The following PPP1R9A variants were observed in gnomAD, a reference collection of about 807,000 sequenced individuals.
PPP1R9A encodes the protein neurabin-1.
In PPP1R9A, 59 loss-of-function variants were observed where a neutral mutation model predicts 141.9. The ratio of observed to expected loss-of-function variants is 0.42; its 90% CI spans 0.34 to 0.52. The LOEUF is 0.52. Ranked by LOEUF, PPP1R9A falls within the 20% of genes least tolerant of loss-of-function variation. PPP1R9A has a pLI of 0.10. For missense variants in PPP1R9A, 1,444 were observed against 1,611.9 expected, an observed-to-expected ratio of 0.90 and a Z score of 1.78; for synonymous variants, 500 against 569.7, an observed-to-expected ratio of 0.88 and a Z score of 1.74.
chr7:95,080,730 T>C (rs1302554967), intron 2 of PPP1R9A, among the ~76,000 whole-genome samples: 1 of 152,174 alleles, frequency 6.6e-6, no homozygotes, highest in Non-Finnish European at 1.5e-5. Context: ...GTGTCCGCTG[T>C]TTCTCAAAAT....
chr7:95,108,455 T>C (rs1172971765), intron 2 of PPP1R9A, among the ~76,000 whole-genome samples: 3 of 151,364 alleles, frequency 2.0e-5, no homozygotes, highest in East Asian at 2.0e-4. Context: ...GGACTACAGG[T>C]GCCTGCCACC....
At chr7:95,122,005 A>C (rs35379982) in intron 4 of PPP1R9A, among the ~76,000 whole-genome samples, 4 of 152,148 alleles carry the variant, frequency 2.6e-5, no homozygotes, top group African/African-American at 9.7e-5. Flanking sequence ...AATTCAAAGA[A>C]TTATTATGTT....
At chr7:95,139,704 G>GT (rs1826289052) in intron 4 of PPP1R9A, among the ~76,000 whole-genome samples, 1 of 151,100 alleles carries the variant, frequency 6.6e-6, no homozygotes, top group South Asian at 2.1e-4. Flanking sequence ...TCTTATTGAT[G>GT]TATGGCCTGG....
intron 19 of PPP1R9A, 148 bp downstream of exon 19, chr7:95,288,866 G>T (rs1369970817): frequency 8.8e-7 from 1 of 1,133,352 alleles, no homozygotes; most frequent in African/African-American, 1.6e-5. Flanking sequence ...AATTCTTTCT[G>T]AGTAGTAAAT....
chr7:95,157,740 T>C (rs1829865132), intron 4 of PPP1R9A, among the ~76,000 whole-genome samples: 7 of 152,230 alleles, frequency 4.6e-5, no homozygotes, highest in Admixed American at 4.6e-4. Context: ...AAAGAATATG[T>C]TGCCCTACTT....
chr7:94,973,750 G>A (rs1030258481), intron 2 of PPP1R9A, among the ~76,000 whole-genome samples: 34 of 141,218 alleles, frequency 2.4e-4, no homozygotes, highest in African/African-American at 8.2e-4. Context: ...AAAATGTCTC[G>A]CTCTATTGCC....
intron 5 of PPP1R9A, among the ~76,000 whole-genome samples, chr7:95,183,181 A>C (rs1326627004): frequency 6.6e-6 from 1 of 151,824 alleles, no homozygotes; most frequent in Non-Finnish European, 1.5e-5. Flanking sequence ...TCTGTTACCC[A>C]GGCTAGAGTG....
chr7:94,922,865 C>G (rs1289647688), intron 2 of PPP1R9A, among the ~76,000 whole-genome samples: 1 of 152,050 alleles, frequency 6.6e-6, no homozygotes, highest in Non-Finnish European at 1.5e-5. Flanking sequence ...TGGTGGGACA[C>G]AATTGGAATG....
At chr7:95,035,428 C>A (rs114651720) in intron 2 of PPP1R9A, among the ~76,000 whole-genome samples, 2,097 of 152,082 alleles carry the variant, frequency 0.014, 58 homozygotes, top group African/African-American at 0.049. Flanking sequence ...ATTTATATAT[C>A]TTTTCTCCTT....
chr7:95,162,623 G>C (rs142394563), intron 5 of PPP1R9A, among the ~76,000 whole-genome samples: 1 of 152,038 alleles, frequency 6.6e-6, no homozygotes, highest in Non-Finnish European at 1.5e-5. Flanking sequence ...CTTCAGTATT[G>C]CTTATATCAT....
intron 2 of PPP1R9A, among the ~76,000 whole-genome samples, chr7:95,062,770 T>A (rs1812412525): frequency 6.6e-6 from 1 of 152,032 alleles, no homozygotes; most frequent in Non-Finnish European, 1.5e-5. Context: ...CCTGCCCCAC[T>A]TTTTTCTGCT....
intron 2 of PPP1R9A, among the ~76,000 whole-genome samples, chr7:94,987,703 A>C (rs1199230528): frequency 1.3e-5 from 2 of 152,152 alleles, no homozygotes; most frequent in African/African-American, 4.8e-5. Context: ...TATAAAATGC[A>C]ATTTGTACAC....
chr7:95,266,895 T>G lies in PPP1R9A; in HGVS notation c.2666-1655T>G, dbSNP rs566096530. On this transcript the variant is annotated intron_variant, in intron 12 of 19. Coordinates refer to ENST00000433360, the MANE Select transcript of PPP1R9A (RefSeq NM_001166160.2). ...TTAATGGGCAGCTACAAATATAGAT[T>G]TTATCGGAAGGAGGAAATTAAAGTG... is the stretch of plus-strand genomic sequence containing the variant. Among the ~76,000 whole-genome samples the G allele has an allele frequency of 7.2e-5, 11 of 152,224 alleles. No individual in the cohort carries two copies. In the East Asian group the frequency reaches 1.9e-3, roughly 27 times the overall value.
intron 5 of PPP1R9A, among the ~76,000 whole-genome samples, chr7:95,182,204 C>T (rs1833962050): frequency 1.3e-5 from 2 of 151,608 alleles, no homozygotes; most frequent in South Asian, 2.1e-4. Flanking sequence ...AGGCTAGGTG[C>T]AGTGACTCAC....
chr7:94,970,414 C>G (rs1355520672), intron 2 of PPP1R9A, among the ~76,000 whole-genome samples: 6 of 152,148 alleles, frequency 3.9e-5, no homozygotes, highest in Non-Finnish European at 7.3e-5. Flanking sequence ...TTCCCTGACC[C>G]CTTGCACTTA....
chr7:95,247,597 G>A, intron 9 of PPP1R9A, 71 bp downstream of exon 9: 1 of 1,264,402 alleles, frequency 7.9e-7, no homozygotes, highest in Non-Finnish European at 1.1e-6. Context: ...TCCAATCCTA[G>A]GACTAAAGGT....
intron 2 of PPP1R9A, among the ~76,000 whole-genome samples, chr7:95,035,206 A>G (rs1808272079): frequency 6.6e-6 from 1 of 152,236 alleles, no homozygotes; most frequent in African/African-American, 2.4e-5. Flanking sequence ...AAAACATTAA[A>G]ATCAAAGTTT....
intron 7 of PPP1R9A, among the ~76,000 whole-genome samples, chr7:95,213,320 C>CTTTT (rs548473436): frequency 7.7e-6 from 1 of 129,140 alleles, no homozygotes; most frequent in Non-Finnish European, 1.6e-5. Context: ...CTTTCTCTTT[C>CTTTT]TTTTTTTTTT....
rs200709804 is a variant in PPP1R9A at position 95,235,636 on chromosome 7, A to G, written c.2112+9520A>G. On this transcript the variant is annotated intron_variant, in intron 8 of 19. Coordinates refer to ENST00000433360, the MANE Select transcript of PPP1R9A (RefSeq NM_001166160.2). ...GGAGATTCCTTAAAGAACTAAAAGTAGATCTATCATTTGATCCAGTGGAAA... is the reference window on the plus strand; with the variant it reads ...GGAGATTCCTTAAAGAACTAAAAGTGGATCTATCATTTGATCCAGTGGAAA... 5.3e-5 allele frequency among the ~76,000 whole-genome samples: 8 copies of G among 152,362 alleles called. No homozygotes were observed. In the East Asian group the frequency reaches 1.5e-3, roughly 29 times the overall value.
Sources: allele counts gnomAD v4.1 joint callset (sites outside exome capture counted in the v4.1 genomes callset), GRCh38; gene constraint gnomAD v4.1.1; transcripts MANE v1.5; gene names NCBI Gene and HGNC (gene_info 2026-07-23, HGNC 2026-07-21).